The following SPRED2 variants were observed in gnomAD, a reference collection of about 807,000 sequenced individuals.
The protein encoded by SPRED2 is sprouty-related, EVH1 domain-containing protein 2.
SPRED2 carries 47 observed loss-of-function variants against 43.0 expected under a neutral mutation model. The observed-to-expected ratio is 1.09, with a 90% confidence interval of 0.87 to 1.40. SPRED2 has a LOEUF of 1.40. SPRED2 is among the 40% of genes most tolerant of loss of function. The pLI is 0.00. For missense variants in SPRED2, 561 were observed against 586.4 expected (o/e 0.96, Z 0.45); for synonymous variants, 225 against 225.7 (o/e 1.00, Z 0.03).
At chr2:65,338,534 G>C (rs1311287767) in intron 2 of SPRED2, among the ~76,000 whole-genome samples, 2 of 151,506 alleles carry the variant, frequency 1.3e-5, no homozygotes, top group Non-Finnish European at 3.0e-5. Context: ...TCCTAGCCGC[G>C]AGTGATCCGC....
chr2:65,337,416 A>G (rs1025587476), intron 2 of SPRED2, among the ~76,000 whole-genome samples: 4 of 152,160 alleles, frequency 2.6e-5, no homozygotes, highest in African/African-American at 9.7e-5. Context: ...CTTGAAAAAA[A>G]AAACTACACA....
At chr2:65,331,343 T>A (rs543560896) in intron 4 of SPRED2, among the ~76,000 whole-genome samples, 2 of 152,368 alleles carry the variant, frequency 1.3e-5, no homozygotes, top group Middle Eastern at 3.4e-3. Flanking sequence ...AATGAACTAT[T>A]TGTTAATTAA....
Position 65,432,044 on chromosome 2 carries a change from C to G in SPRED2, c.-57G>C, listed in dbSNP as rs1480141466. 13 of 1,609,292 alleles carry G rather than the reference C, an allele frequency of 8.1e-6. No homozygotes were observed. The highest frequency in any genetic ancestry group is 5.3e-5 in the African/African-American group (4 of 74,842). On this transcript the variant is annotated 5_prime_UTR_variant, in exon 1 of 6. Coordinates refer to ENST00000356388, the MANE Select transcript of SPRED2 (RefSeq NM_181784.3). ...CGGGCAGCTTTGCTCCCTTCATCTT[C>G]CTGTCCGCTCGCCCCCCTTCTTCAC...
At chr2:65,309,339 A>C (rs1673009108), downstream of SPRED2, among the ~76,000 whole-genome samples, 2 of 151,580 alleles carry the variant, frequency 1.3e-5, no homozygotes, top group East Asian at 3.9e-4. Flanking sequence ...CATCTCTATG[A>C]AAAAAATTTA....
At chr2:65,336,403 G>C (rs1673967399) in intron 2 of SPRED2, among the ~76,000 whole-genome samples, 1 of 150,726 alleles carries the variant, frequency 6.6e-6, no homozygotes, top group Non-Finnish European at 1.5e-5. Flanking sequence ...GTTGTCTAAT[G>C]AATGTTCCCT....
At chr2:65,403,516 C>T (rs1449929507) in intron 1 of SPRED2, among the ~76,000 whole-genome samples, 1 of 152,218 alleles carries the variant, frequency 6.6e-6, no homozygotes, top group Admixed American at 6.5e-5. Context: ...ATCCCCCCAC[C>T]TTGGCCTCCT....
chr2:65,379,764 C>T (rs1014504634), intron 1 of SPRED2, among the ~76,000 whole-genome samples: 1 of 152,190 alleles, frequency 6.6e-6, no homozygotes, highest in Non-Finnish European at 1.5e-5. Flanking sequence ...ACTTTCTCCA[C>T]AGCAAAGTCC....
chr2:65,360,133 T>C (rs80139797), intron 1 of SPRED2, among the ~76,000 whole-genome samples: 6,446 of 144,316 alleles, frequency 0.045, 509 homozygotes, highest in African/African-American at 0.16. Flanking sequence ...AAAAGACCAC[T>C]GCTCAAGACA....
chr2:65,401,937 G>GCGCGCACGCACGCACA (rs776512353), intron 1 of SPRED2, among the ~76,000 whole-genome samples: 1 of 114,714 alleles, frequency 8.7e-6, no homozygotes, highest in African/African-American at 3.4e-5. Context: ...GCGCGCGCGC[G>GCGCGCACGCACGCACA]CACACACACA....
At chr2:65,416,907 G>T (rs1428691757) in intron 1 of SPRED2, among the ~76,000 whole-genome samples, 1 of 152,164 alleles carries the variant, frequency 6.6e-6, no homozygotes, top group African/African-American at 2.4e-5. Context: ...ACTTTATTCG[G>T]AGTTAACCTA....
At chr2:65,324,673 T>C (rs75227155) in intron 4 of SPRED2, among the ~76,000 whole-genome samples, 228 of 152,212 alleles carry the variant, frequency 1.5e-3, no homozygotes, top group African/African-American at 5.4e-3. Context: ...CTTCTTCATG[T>C]AGAAGGCCAC....
chr2:65,403,203 G>C (rs755896250), intron 1 of SPRED2, among the ~76,000 whole-genome samples: 53 of 152,206 alleles, frequency 3.5e-4, no homozygotes, highest in Non-Finnish European at 1.3e-4. Context: ...CTCCTAAGGA[G>C]ACAACTATTA....
In SPRED2 at chr2:65,311,263, G is replaced by T; in HGVS notation, c.*2238C>A. 2 of 985,846 alleles carry T rather than the reference G, an allele frequency of 2.0e-6. No homozygotes were observed. The highest frequency in any genetic ancestry group is 4.7e-5 in the South Asian group (1 of 21,288). 61.1% of individuals were successfully genotyped at this position (985,846 alleles called of 1,614,324 possible). A position where few individuals can be genotyped will look rare whatever the true frequency, so the allele number is the denominator to read the frequency against. On this transcript the variant is annotated 3_prime_UTR_variant, in exon 6 of 6. Coordinates refer to ENST00000356388, the MANE Select transcript of SPRED2 (RefSeq NM_181784.3). The stretch of plus-strand genomic sequence containing the variant: ...CAGCTGCAGTGTGGCAATTAGAGAC[G>T]TATTTACATAAATGTCCCCATGGCT...
chr2:65,430,747 C>G (rs1676660588), intron 1 of SPRED2, among the ~76,000 whole-genome samples: 1 of 152,074 alleles, frequency 6.6e-6, no homozygotes, highest in African/African-American at 2.4e-5. Flanking sequence ...CCCGCGCCGC[C>G]GCTACCTTGG....
intron 1 of SPRED2, among the ~76,000 whole-genome samples, chr2:65,419,601 GTGTGTGTGTGTGTGTGTT>G (rs902737089): frequency 2.0e-5 from 3 of 151,870 alleles, no homozygotes; most frequent in African/African-American, 4.8e-5. Context: ...GTGTGTGTGT[GTGTGTGTGTGTGTGTGTT>G]TATTAACTGT....
chr2:65,309,156 CAAA>C (rs11334053), downstream of SPRED2, among the ~76,000 whole-genome samples: 40 of 138,178 alleles, frequency 2.9e-4, no homozygotes, highest in Admixed American at 2.9e-4. Context: ...AACTCAGTCT[CAAA>C]AAAAAAAAAA....
chr2:65,362,905 G>C (rs1674859755), intron 1 of SPRED2, among the ~76,000 whole-genome samples: 2 of 150,948 alleles, frequency 1.3e-5, no homozygotes, highest in African/African-American at 4.9e-5. Flanking sequence ...GCTGGGCACG[G>C]TGGCTCATGC....
Position 65,313,878 on chromosome 2 carries a change from G to T in SPRED2, c.880C>A (p.Arg294=). The T allele has an allele frequency of 6.2e-7, 1 of 1,610,376 alleles. No homozygotes were observed. Among genetic ancestry groups the T allele is most frequent in the Non-Finnish European group, 8.5e-7 (1 of 1,179,816 alleles). ...GGSVIKTQPS[R]GKSRRRKEDG... is the part of the protein sequence containing the mutation. ...TCCTTCCGCCGCCGCGACTTGCCCCGGGAGGGCTGCGTCTTGATCACGCTG... is the reference window on the plus strand; with the variant it reads ...TCCTTCCGCCGCCGCGACTTGCCCCTGGAGGGCTGCGTCTTGATCACGCTG... Residue 294 remains arginine, a synonymous_variant, in exon 6 of 6, where the codon CGG becomes AGG. Transcript: ENST00000356388.
chr2:65,419,760 C>G (rs1279204024), intron 1 of SPRED2, among the ~76,000 whole-genome samples: 1 of 152,100 alleles, frequency 6.6e-6, no homozygotes, highest in Non-Finnish European at 1.5e-5. Flanking sequence ...GGAGACATTA[C>G]GTATTTGGTT....
Sources: allele counts gnomAD v4.1 joint callset (sites outside exome capture counted in the v4.1 genomes callset), GRCh38; gene constraint gnomAD v4.1.1; transcripts MANE v1.5; gene names NCBI Gene and HGNC (gene_info 2026-07-23, HGNC 2026-07-21).